The following DOP1A variants were observed in gnomAD, a reference collection of about 807,000 sequenced individuals.
DOP1A encodes the protein DOP1 leucine zipper like protein A.
Under a neutral mutation model 267.6 loss-of-function variants are expected in DOP1A, and 90 were observed. The observed-to-expected ratio is 0.34, with a 90% CI of 0.28 to 0.40. The LOEUF is 0.40. Among genes scored for constraint, DOP1A ranks in the 10% least tolerant of loss-of-function variants. The pLI is 1.00. For missense variants in DOP1A, 2,437 were observed against 2,900.4 expected, an observed-to-expected ratio of 0.84 and a Z score of 3.67; for synonymous variants, 932 against 999.1, an observed-to-expected ratio of 0.93 and a Z score of 1.27.
At chr6:83,169,184 T>C, downstream of DOP1A, 2 of 1,606,916 alleles carry the variant, frequency 1.2e-6, no homozygotes, top group Non-Finnish European at 1.7e-6. Context: ...ATTGACAGTT[T>C]TGTAAAGACT....
At chr6:83,109,192 A>G (rs921631065) in intron 5 of DOP1A, 112 bp downstream of exon 5, 14 of 882,154 alleles carry the variant, frequency 1.6e-5, no homozygotes, top group Admixed American at 2.4e-5. Context: ...ACAGTTCAGT[A>G]TATCACATGA....
chr6:83,158,566 G>C lies in DOP1A; in HGVS notation c.6742-1G>C. 1 of 1,598,186 alleles carries C rather than the reference G, an allele frequency of 6.3e-7. No homozygotes were observed. The highest frequency in any genetic ancestry group is 8.6e-7 in the Non-Finnish European group (1 of 1,168,230). On this transcript the variant is annotated splice_acceptor_variant, in intron 35 of 38. Coordinates refer to ENST00000349129, the MANE Select transcript of DOP1A (RefSeq NM_015018.4). LOFTEE classifies it high-confidence loss of function. ...AACATTTAACATTTCACCATTTTCA[G>C]GTACAAGTATTTTTACTGATGGAGC...
chr6:83,084,640 T>C (rs1337744926), intron 1 of DOP1A, among the ~76,000 whole-genome samples: 1 of 152,160 alleles, frequency 6.6e-6, no homozygotes, highest in East Asian at 1.9e-4. Context: ...TGGAGTACAG[T>C]GGCACCATTT....
At position 83,125,494 on chromosome 6, in the gene DOP1A, T is replaced by G; in HGVS notation, c.1486-6T>G. ...TAAACTTTTTTCATTTCACTTTTAT[T>G]TTCAGGAGACTTACATTGAAATCCA... is the stretch of plus-strand genomic sequence containing the variant. On this transcript the variant is annotated splice_region_variant and splice_polypyrimidine_tract_variant and intron_variant, in intron 14 of 38. Coordinates refer to ENST00000349129, the MANE Select transcript of DOP1A (RefSeq NM_015018.4). 1 of 1,611,452 alleles carries G rather than the reference T, an allele frequency of 6.2e-7. No individual in the cohort carries two copies. Among genetic ancestry groups the G allele is most frequent in the Non-Finnish European group, 8.5e-7 (1 of 1,178,768 alleles).
intron 1 of DOP1A, among the ~76,000 whole-genome samples, chr6:83,082,044 T>G (rs951426467): frequency 1.3e-5 from 2 of 152,022 alleles, no homozygotes; most frequent in Admixed American, 6.6e-5. Context: ...AGAGAGGATG[T>G]GGAGAAAAGG....
At chr6:83,093,979 C>T (rs1298773789) in intron 1 of DOP1A, among the ~76,000 whole-genome samples, 1 of 151,944 alleles carries the variant, frequency 6.6e-6, no homozygotes, top group African/African-American at 2.4e-5. Flanking sequence ...ATTGTGAAAC[C>T]ATCTCTACAA....
intron 38 of DOP1A, chr6:83,167,503 T>A (rs1026581523): frequency 9.9e-7 from 1 of 1,007,632 alleles, no homozygotes; most frequent in Non-Finnish European, 1.2e-6. Context: ...TGTGACCTAG[T>A]CCTTGGTTAC....
In DOP1A at chr6:83,137,421, G is replaced by T; in HGVS notation, c.3379G>T (p.Asp1127Tyr). ...SAGDNLSYEV[D>Y]PETVNAQEDS... ...TGGGGACAACTTGAGTTACGAAGTTGATCCTGAAACCGTGAATGCCCAAGA... is the reference window on the plus strand; with the variant it reads ...TGGGGACAACTTGAGTTACGAAGTTTATCCTGAAACCGTGAATGCCCAAGA... The change falls in exon 21 of 39, where the codon GAT becomes TAT. Residue 1127 changes from aspartate to tyrosine, a missense_variant. By Grantham distance (160) the Asp-to-Tyr change is radical. Around this residue, in one of 9 missense-constraint regions of DOP1A, gnomAD observed 878 missense variants for 992.9 expected, o/e 0.88. Transcript: ENST00000349129. The T allele has an allele frequency of 6.2e-7, 1 of 1,613,796 alleles. No homozygotes were observed.
rs923494926 is a variant in DOP1A at position 83,138,511 on chromosome 6, T to C, written c.4469T>C (p.Ile1490Thr). The change falls in exon 21 of 39, where the codon ATA (isoleucine) becomes ACA (threonine). Residue 1490 changes from isoleucine (I) to threonine (T), a missense_variant. By Grantham distance (89) the Ile-to-Thr change is moderately conservative. Coordinates refer to ENST00000349129, the MANE Select transcript of DOP1A (RefSeq NM_015018.4). ...AATCGAAACATGCAAATGATGAGCA[T>C]AGAAATTCTGACACTACTCTTCACT... ...IGNRNMQMMS[I>T]EILTLLFTEL... The C allele has an allele frequency of 6.2e-7, 1 of 1,613,706 alleles. No homozygotes were observed. Among genetic ancestry groups the C allele is most frequent in the Non-Finnish European group, 8.5e-7 (1 of 1,179,930 alleles).
At chr6:83,159,454 T>G (rs75392213) in intron 36 of DOP1A, among the ~76,000 whole-genome samples, 1 of 151,686 alleles carries the variant, frequency 6.6e-6, no homozygotes, top group Non-Finnish European at 1.5e-5. Flanking sequence ...TTTTTTTTTT[T>G]GTCTGTGTGT....
intron 18 of DOP1A, among the ~76,000 whole-genome samples, chr6:83,133,258 T>G (rs1425983667): frequency 6.6e-6 from 1 of 152,164 alleles, no homozygotes; most frequent in Non-Finnish European, 1.5e-5. Context: ...AATATATGCC[T>G]GTTTTCACTT....
At chr6:83,170,677 C>CA, downstream of DOP1A, 1 of 514,018 alleles carries the variant, frequency 1.9e-6, no homozygotes, top group Non-Finnish European at 3.4e-6. Context: ...TTACCTTTGG[C>CA]AAAAAATATT....
At chr6:83,170,462 A>G (rs774322781), downstream of DOP1A, 1 of 1,613,880 alleles carries the variant, frequency 6.2e-7, no homozygotes, top group African/African-American at 1.3e-5. Context: ...AGTGCTAATA[A>G]CTCTCCTGTC....
intron 8 of DOP1A, 32 bp downstream of exon 8, chr6:83,119,019 G>C: frequency 3.2e-6 from 5 of 1,580,200 alleles, no homozygotes; most frequent in Non-Finnish European, 4.3e-6. Flanking sequence ...TCATGATTGG[G>C]GAAAAAATGG....
chr6:83,097,315 G>T (rs955682606), intron 3 of DOP1A, among the ~76,000 whole-genome samples, 200 bp downstream of exon 3: 4 of 152,098 alleles, frequency 2.6e-5, no homozygotes, highest in African/African-American at 7.2e-5. Context: ...TTAATTCAAA[G>T]AAATAACAAT....
At chr6:83,170,435 T>G (rs1364086538), downstream of DOP1A, 1 of 1,614,008 alleles carries the variant, frequency 6.2e-7, no homozygotes, top group Non-Finnish European at 8.5e-7. Flanking sequence ...TGTAACTGCT[T>G]GTCTTTCAGC....
chr6:83,118,000 AAGG>A (rs1364822164), intron 7 of DOP1A, among the ~76,000 whole-genome samples: 1 of 152,202 alleles, frequency 6.6e-6, no homozygotes, highest in Non-Finnish European at 1.5e-5. Flanking sequence ...GTCTGTGATT[AAGG>A]AGAAGTGAGT....
At position 83,118,882 on chromosome 6, in the gene DOP1A, T is replaced by C; in HGVS notation, c.781-6T>C. 6.2e-7 allele frequency: 1 copy of C among 1,613,058 alleles called. No individual in the cohort carries two copies. The highest frequency in any genetic ancestry group is 1.1e-5 in the South Asian group (1 of 90,820). ...CTAAGTACAACCATATTCCTAACTC[T>C]TTCAGGCCACTCGACCGGATATGAT... On this transcript the variant is annotated splice_region_variant and splice_polypyrimidine_tract_variant and intron_variant, in intron 7 of 38. Coordinates refer to ENST00000349129, the MANE Select transcript of DOP1A (RefSeq NM_015018.4).
intron 12 of DOP1A, 84 bp from the exon 13 acceptor site, chr6:83,124,621 A>T (rs1286952913): frequency 9.1e-6 from 9 of 991,488 alleles, no homozygotes; most frequent in Non-Finnish European, 1.3e-5. Flanking sequence ...ATTGACTTGG[A>T]CTTCATTAGA....
Sources: gnomAD v4.1 joint callset for allele counts (sites outside exome capture counted in the v4.1 genomes callset) on GRCh38, gnomAD v4.1.1 for gene constraint, gnomAD v4.1.1 regional missense constraint, MANE v1.5 for transcripts, NCBI Gene and HGNC (gene_info 2026-07-23, HGNC 2026-07-21) for gene names.